The following PRPF6 variants were observed in gnomAD, a reference collection of about 807,000 sequenced individuals.
The protein encoded by PRPF6 is pre-mRNA-processing factor 6.
In PRPF6, 42 loss-of-function variants were observed where a neutral mutation model predicts 118.3. The ratio of observed to expected loss-of-function variants is 0.35; its 90% CI spans 0.28 to 0.46. The LOEUF is 0.46. Ranked by LOEUF, PRPF6 falls within the 20% of genes least tolerant of loss-of-function variation. PRPF6 has a pLI of 1.00. For synonymous variants in PRPF6, 481 were observed against 485.1 expected (o/e 0.99, Z 0.11); for missense variants, 662 against 1,255.7 (o/e 0.53, Z 7.15).
intron 9 of PRPF6, among the ~76,000 whole-genome samples, chr20:64,005,076 A>G (rs887398767): frequency 2.6e-5 from 4 of 152,164 alleles, no homozygotes; most frequent in African/African-American, 9.7e-5. Context: ...GTTCTAGGCC[A>G]ACTTCAGGGG....
chr20:64,025,392 G>T (rs552013795), intron 14 of PRPF6, among the ~76,000 whole-genome samples: 1 of 152,216 alleles, frequency 6.6e-6, no homozygotes, highest in African/African-American at 2.4e-5. Context: ...GCACCGGGCT[G>T]GGGAGGCTTT....
chr20:63,999,207 T>G lies in PRPF6; in HGVS notation c.866+68T>G, dbSNP rs966470040. 3 of 1,250,156 alleles carry G rather than the reference T, an allele frequency of 2.4e-6. No homozygotes were observed. In the Admixed American group the frequency reaches 5.3e-5, roughly 22 times the overall value. 77.4% of individuals were successfully genotyped at this position (1,250,156 alleles called of 1,614,324 possible). On this transcript the variant is annotated intron_variant, in intron 7 of 20. Coordinates refer to ENST00000266079, the MANE Select transcript of PRPF6 (RefSeq NM_012469.4). ...GTTGCCTAGGGTATTTTGGATTTTA[T>G]ATGGACAGTATGCTGTCAAAATGGG...
chr20:63,989,424 C>T (rs2122988068), intron 3 of PRPF6, among the ~76,000 whole-genome samples: 1 of 152,160 alleles, frequency 6.6e-6, no homozygotes, highest in South Asian at 2.1e-4. Context: ...GCCTGGGCCA[C>T]AGAGACTGTC....
At chr20:64,003,451 C>T (rs372638130) in intron 9 of PRPF6, among the ~76,000 whole-genome samples, 12 of 152,218 alleles carry the variant, frequency 7.9e-5, no homozygotes, top group Non-Finnish European at 1.3e-4. Context: ...TTACTGTCTA[C>T]GTCTGTTAGA....
At position 63,990,730 on chromosome 20, in the gene PRPF6, C is replaced by T. The variant is rs576947877; in HGVS notation, c.360-2677C>T. On this transcript the variant is annotated intron_variant, in intron 3 of 20. Transcript: ENST00000266079. ...CGCAACCTCGGCTTACTGCAACCTC[C>T]GCCTCCAGGGTTCAAGTGATTCTCC... Among the ~76,000 whole-genome samples, 246 of 151,580 alleles carry T rather than the reference C, an allele frequency of 1.6e-3. 4 individuals carry two copies. The highest frequency in any genetic ancestry group is 2.4e-3 in the Non-Finnish European group (160 of 67,900).
In PRPF6 at chr20:64,027,476, G is replaced by C; in HGVS notation, c.2206-127G>C. The C allele has an allele frequency of 7.4e-7, 1 of 1,348,950 alleles. No individual in the cohort carries two copies. The allele number at this position is 1,348,950 out of a possible 1,614,324, so 83.6% of individuals were successfully genotyped here. On this transcript the variant is annotated intron_variant, in intron 16 of 20. Transcript: ENST00000266079. This position sits in a 1 kb window ranked among gnomAD's most constrained non-coding sequence, Gnocchi z 6.5. ...CACCCACAAATGCAGAGTGTGAGGG[G>C]TGTTTTTCCATGGACATGGCAGCCC...
At chr20:63,995,612 CT>C in intron 6 of PRPF6, 130 bp downstream of exon 6, 1 of 1,076,026 alleles carries the variant, frequency 9.3e-7, no homozygotes, top group Non-Finnish European at 1.3e-6. Flanking sequence ...TCTTCTCCTT[CT>C]CCTTTTTTTT....
intron 9 of PRPF6, among the ~76,000 whole-genome samples, chr20:64,008,773 A>C (rs891930416): frequency 6.6e-6 from 1 of 152,208 alleles, no homozygotes; most frequent in African/African-American, 2.4e-5. Context: ...TTGATTCTCT[A>C]GCATTCTCCA....
At chr20:64,008,057 G>A (rs150502300) in intron 9 of PRPF6, among the ~76,000 whole-genome samples, 49 of 152,310 alleles carry the variant, frequency 3.2e-4, no homozygotes, top group Non-Finnish European at 5.1e-4. Flanking sequence ...GATTACAGGC[G>A]TGAGCTACGG....
intron 12 of PRPF6, among the ~76,000 whole-genome samples, chr20:64,019,184 C>T (rs973957312): frequency 1.3e-5 from 2 of 151,056 alleles, no homozygotes; most frequent in Non-Finnish European, 2.9e-5. Context: ...CTGCAACCTC[C>T]GCCTCCCAGG....
At position 64,026,941 on chromosome 20, in the gene PRPF6, G is replaced by A. The variant is rs1290771697; in HGVS notation, c.2029-41G>A. The stretch of plus-strand genomic sequence containing the variant: ...GAGTGTACCATGAAGCACGTACCCT[G>A]GAGCTGATGCCCTGCGTGACAGTGC... On this transcript the variant is annotated intron_variant, in intron 15 of 20. Coordinates refer to ENST00000266079, the MANE Select transcript of PRPF6 (RefSeq NM_012469.4). The surrounding 1 kb of genome is among the most constrained non-coding windows in gnomAD (Gnocchi z 4.4). The A allele has an allele frequency of 6.2e-7, 1 of 1,611,530 alleles. No homozygotes were observed. The highest frequency in any genetic ancestry group is 1.7e-5 in the Admixed American group (1 of 60,020).
chr20:63,984,345 C>T (rs1389559518), intron 2 of PRPF6, among the ~76,000 whole-genome samples: 5 of 151,688 alleles, frequency 3.3e-5, no homozygotes, highest in Non-Finnish European at 5.9e-5. Context: ...GCTGTGAACC[C>T]GGGAGGCGGA....
chr20:63,996,401 C>G (rs1569214338), intron 6 of PRPF6, among the ~76,000 whole-genome samples: 1 of 152,090 alleles, frequency 6.6e-6, no homozygotes, highest in Non-Finnish European at 1.5e-5. Context: ...ACAGCCTTGA[C>G]CTCCCTGGGC....
rs1012350188 is a variant in PRPF6 at position 64,005,002 on chromosome 20, G to C, written c.1186+3763G>C. Among the ~76,000 whole-genome samples, 4 of 152,212 alleles carry C rather than the reference G, an allele frequency of 2.6e-5. No homozygotes were observed. The East Asian group carries it at 5.8e-4, about 22-fold the overall frequency. On this transcript the variant is annotated intron_variant, in intron 9 of 20. Transcript: ENST00000266079. ...TCCCTGCAGTCACGTGACCCCCGGA[G>C]AGCATGTTGGCCTCTGCACGGTCAC...
intron 9 of PRPF6, 142 bp downstream of exon 9, chr20:64,001,381 C>T: frequency 9.6e-7 from 1 of 1,037,456 alleles, no homozygotes; most frequent in Non-Finnish European, 1.4e-6. Context: ...GCTGGGTTGC[C>T]TCTGCCCTTG....
In PRPF6 at chr20:64,016,712, T is replaced by A. The variant is rs1276581432; in HGVS notation, c.1525-11T>A. The A allele has an allele frequency of 6.2e-7, 1 of 1,614,014 alleles. No homozygotes were observed. Reference sequence around the variant, plus strand: ...CCAAAATCACAAATAAGTTTTGTGTTCCTCTTTCAGGATGCCGAGGAATGT... The same window carrying A: ...CCAAAATCACAAATAAGTTTTGTGTACCTCTTTCAGGATGCCGAGGAATGT... On this transcript the variant is annotated splice_polypyrimidine_tract_variant and intron_variant, in intron 11 of 20. Transcript: ENST00000266079.
chr20:64,026,204 A>G lies in PRPF6; in HGVS notation c.2028+146A>G, dbSNP rs1050540743. Reference sequence around the variant, plus strand: ...CTCATCTTTGTGATGTGACTAAAACATTCATGTGGCCGGGCGTGGTGGCCG... The same window carrying G: ...CTCATCTTTGTGATGTGACTAAAACGTTCATGTGGCCGGGCGTGGTGGCCG... On this transcript the variant is annotated intron_variant, in intron 15 of 20. Coordinates refer to ENST00000266079, the MANE Select transcript of PRPF6 (RefSeq NM_012469.4). This position sits in a 1 kb window ranked among gnomAD's most constrained non-coding sequence, Gnocchi z 4.4. 4.1e-6 allele frequency: 6 copies of G among 1,446,820 alleles called. No homozygotes were observed. The African/African-American group carries it at 7.0e-5, about 17-fold the overall frequency. The allele number at this position is 1,446,820 out of a possible 1,614,324, so 89.6% of individuals were successfully genotyped here. A position where few individuals can be genotyped will look rare whatever the true frequency, so the allele number is the denominator to read the frequency against.
Position 63,995,010 on chromosome 20 carries a change from A to G in PRPF6, c.533A>G (p.Lys178Arg), listed in dbSNP as rs746737997. 1 of 1,614,204 alleles carries G rather than the reference A, an allele frequency of 6.2e-7. No homozygotes were observed. Among genetic ancestry groups the G allele is most frequent in the Non-Finnish European group, 8.5e-7 (1 of 1,180,032 alleles). ...CGTCAGCGGAACCCACGCTATGAGA[A>G]GCTGACCCCTGTTCCTGACAGTTTC... is the stretch of plus-strand genomic sequence containing the variant. ...NKRQRNPRYE[K>R]LTPVPDSFFA... The change falls in exon 5 of 21, where the codon AAG becomes AGG. Residue 178 changes from lysine to arginine, a missense_variant. Coordinates refer to ENST00000266079, the MANE Select transcript of PRPF6 (RefSeq NM_012469.4).
chr20:64,002,374 C>T (rs570659845), intron 9 of PRPF6, among the ~76,000 whole-genome samples: 2 of 148,882 alleles, frequency 1.3e-5, no homozygotes, highest in African/African-American at 5.0e-5. Context: ...CTCGCTTTGT[C>T]GCCCAGGCTG....
Sources: allele counts gnomAD v4.1 joint callset (sites outside exome capture counted in the v4.1 genomes callset), GRCh38; gene constraint gnomAD v4.1.1; non-coding constraint Gnocchi (gnomAD v3.1); transcripts MANE v1.5; gene names NCBI Gene and HGNC (gene_info 2026-07-23, HGNC 2026-07-21).